The following ADGRL3 variants were observed in gnomAD, a reference collection of about 807,000 sequenced individuals.
ADGRL3 encodes adhesion G protein-coupled receptor L3.
Under a neutral mutation model 153.5 loss-of-function variants are expected in ADGRL3, and 62 were observed. The observed-to-expected ratio is 0.40, with a 90% CI of 0.33 to 0.50. ADGRL3 has a LOEUF of 0.50. Among genes scored for constraint, ADGRL3 ranks in the 20% least tolerant of loss-of-function variants. The probability of loss-of-function intolerance (pLI) is 0.47; values close to 1 mark genes in which losing one functional copy is unlikely to be tolerated. For missense variants in ADGRL3, 1,641 were observed against 1,859.4 expected, an observed-to-expected ratio of 0.88 and a Z score of 2.16; for synonymous variants, 710 against 672.5, an observed-to-expected ratio of 1.06 and a Z score of -0.86.
chr4:61,450,160 T>C (rs2152515205), intron 2 of ADGRL3, among the ~76,000 whole-genome samples: 1 of 152,314 alleles, frequency 6.6e-6, no homozygotes. Context: ...ACATTTATGA[T>C]TTTAATAGGC....
chr4:61,344,836 G>C (rs2095868772), intron 1 of ADGRL3, among the ~76,000 whole-genome samples: 1 of 151,880 alleles, frequency 6.6e-6, no homozygotes, highest in Non-Finnish European at 1.5e-5. Flanking sequence ...GCCCAGGCTG[G>C]AGTGCAATGG....
chr4:61,764,407 G>T (rs2096950325), intron 8 of ADGRL3, among the ~76,000 whole-genome samples: 1 of 149,144 alleles, frequency 6.7e-6, no homozygotes, highest in Non-Finnish European at 1.5e-5. Flanking sequence ...TCTCTGGCGG[G>T]TAGGAGTGGG....
intron 25 of ADGRL3, among the ~76,000 whole-genome samples, chr4:62,064,789 T>C (rs1006099788): frequency 1.6e-4 from 24 of 152,064 alleles, no homozygotes; most frequent in African/African-American, 5.3e-4. Flanking sequence ...ATTGTGTGTC[T>C]AAAACCATCT....
chr4:61,733,615 T>C, intron 8 of ADGRL3, 61 bp downstream of exon 8: 1 of 1,200,842 alleles, frequency 8.3e-7, no homozygotes, highest in Non-Finnish European at 1.2e-6. Context: ...CTCAGCAAGT[T>C]CATTTTATGT....
chr4:61,789,553 A>C (rs2097317147), intron 8 of ADGRL3, among the ~76,000 whole-genome samples: 1 of 152,134 alleles, frequency 6.6e-6, no homozygotes, highest in Admixed American at 6.6e-5. Context: ...CATTTGCTTC[A>C]ATTTTCTAAT....
intron 1 of ADGRL3, among the ~76,000 whole-genome samples, chr4:61,328,162 A>G (rs2095501244): frequency 6.6e-6 from 1 of 152,200 alleles, no homozygotes; most frequent in Non-Finnish European, 1.5e-5. Flanking sequence ...ACTCCAGGAT[A>G]ACAGGCATAC....
chr4:61,771,082 A>G (rs2097079735), intron 8 of ADGRL3, among the ~76,000 whole-genome samples: 1 of 152,192 alleles, frequency 6.6e-6, no homozygotes, highest in African/African-American at 2.4e-5. Context: ...TTCACAGTTG[A>G]ATACAAGGGC....
intron 5 of ADGRL3, among the ~76,000 whole-genome samples, chr4:61,639,554 A>G (rs72638528): frequency 0.14 from 21,128 of 152,044 alleles, 1,942 homozygotes; most frequent in Non-Finnish European, 0.21. Context: ...ATAAATTAAA[A>G]TCTCTCTGGA....
At chr4:61,690,109 G>GA (rs1440430182) in intron 6 of ADGRL3, among the ~76,000 whole-genome samples, 37 of 152,128 alleles carry the variant, frequency 2.4e-4, no homozygotes, top group African/African-American at 8.9e-4. Flanking sequence ...AGTTTGAAAT[G>GA]TGTTCAATGC....
chr4:61,936,519 T>C (rs2098839054), intron 15 of ADGRL3, among the ~76,000 whole-genome samples: 1 of 152,048 alleles, frequency 6.6e-6, no homozygotes, highest in African/African-American at 2.4e-5. Flanking sequence ...TTTTGGGAAA[T>C]TGAACTGTAA....
At chr4:61,398,570 G>C (rs2096894257) in intron 2 of ADGRL3, among the ~76,000 whole-genome samples, 1 of 151,668 alleles carries the variant, frequency 6.6e-6, no homozygotes, top group Admixed American at 6.6e-5. Context: ...ACTTGGTAAA[G>C]TAATTACTTC....
At chr4:61,583,461 A>C (rs2098934216) in intron 4 of ADGRL3, among the ~76,000 whole-genome samples, 1 of 152,178 alleles carries the variant, frequency 6.6e-6, no homozygotes, top group African/African-American at 2.4e-5. Flanking sequence ...ATTTCAGAAA[A>C]GAAGTAAAGA....
At chr4:61,394,313 C>A (rs1560567563) in intron 2 of ADGRL3, among the ~76,000 whole-genome samples, 1 of 151,918 alleles carries the variant, frequency 6.6e-6, no homozygotes, top group South Asian at 2.1e-4. Flanking sequence ...AGAATAAGAT[C>A]TCTAAAGAGT....
intron 9 of ADGRL3, among the ~76,000 whole-genome samples, chr4:61,867,459 C>T (rs866232102): frequency 2.8e-5 from 4 of 141,698 alleles, no homozygotes; most frequent in Admixed American, 7.3e-5. Context: ...GAGATGGTGC[C>T]GCTGCACTCC....
intron 2 of ADGRL3, among the ~76,000 whole-genome samples, chr4:61,466,330 T>C (rs2097883932): frequency 6.6e-6 from 1 of 152,138 alleles, no homozygotes; most frequent in Non-Finnish European, 1.5e-5. Flanking sequence ...GCAAAATGTA[T>C]ATTAACTCAG....
At chr4:61,376,375 A>G (rs1171653731) in intron 1 of ADGRL3, among the ~76,000 whole-genome samples, 5 of 149,988 alleles carry the variant, frequency 3.3e-5, no homozygotes, top group Non-Finnish European at 7.4e-5. Context: ...ATAAAAACAG[A>G]GGATAAGTTA....
intron 17 of ADGRL3, among the ~76,000 whole-genome samples, chr4:61,955,367 C>T (rs1039122696): frequency 6.6e-6 from 1 of 152,090 alleles, no homozygotes; most frequent in African/African-American, 2.4e-5. Context: ...AATTAAACTA[C>T]ATAATAATGA....
At position 61,505,630 on chromosome 4, in the gene ADGRL3, TTA is replaced by T. The variant is rs1231225878; in HGVS notation, c.55+8286_55+8287del. On this transcript the variant is annotated intron_variant, in intron 3 of 26. Transcript: ENST00000683033. Reference sequence around the variant, plus strand: ...TTTGGAAATCCTCTTTTTTATATTTTTATATCTTTGTTCAAATTATAAATATT... The same window carrying T: ...TTTGGAAATCCTCTTTTTTATATTTTTATCTTTGTTCAAATTATAAATATT... 5.3e-5 allele frequency among the ~76,000 whole-genome samples: 8 copies of T among 152,190 alleles called. No homozygotes were observed. In the East Asian group the frequency reaches 1.5e-3, roughly 29 times the overall value.
chr4:61,934,388 G>A (rs2098829801), intron 13 of ADGRL3, among the ~76,000 whole-genome samples: 1 of 152,142 alleles, frequency 6.6e-6, no homozygotes. Flanking sequence ...CAAATTCTTG[G>A]ATTGTCACAT....
Sources: gnomAD v4.1 joint callset for allele counts (sites outside exome capture counted in the v4.1 genomes callset) on GRCh38, gnomAD v4.1.1 for gene constraint, MANE v1.5 for transcripts, NCBI Gene and HGNC (gene_info 2026-07-23, HGNC 2026-07-21) for gene names.